Variants in AKAP8 observed in about 807,000 individuals in gnomAD.
AKAP8 encodes A-kinase anchoring protein 8, also known as A-kinase anchor protein 8.
A neutral mutation model predicts 67.5 loss-of-function variants in AKAP8; 24 were observed. The ratio of observed to expected loss-of-function variants is 0.36; its 90% CI spans 0.26 to 0.50. AKAP8 has a LOEUF of 0.50. AKAP8 is among the 20% of genes least tolerant of loss of function. The pLI is 0.97. For missense variants in AKAP8, 971 were observed against 955.9 expected, an observed-to-expected ratio of 1.02 and a Z score of -0.21; for synonymous variants, 400 against 371.1, an observed-to-expected ratio of 1.08 and a Z score of -0.90.
rs540389884 is a variant in AKAP8 at position 15,367,234 on chromosome 19, A to G, written c.1160+1001T>C. Reference sequence around the variant, plus strand: ...TTTACTAAGCATTTCTTTGAACACGACAATCACTGCCCAGACTGGGCGCAG... The same window carrying G: ...TTTACTAAGCATTTCTTTGAACACGGCAATCACTGCCCAGACTGGGCGCAG... On this transcript the variant is annotated intron_variant, in intron 9 of 13. Transcript: ENST00000269701. Among the ~76,000 whole-genome samples the G allele has an allele frequency of 2.0e-5, 3 of 152,288 alleles. No homozygotes were observed. In the East Asian group the frequency reaches 5.8e-4, roughly 29 times the overall value.
At chr19:15,357,615 A>G (rs1184172345) in intron 13 of AKAP8, among the ~76,000 whole-genome samples, 1 of 150,832 alleles carries the variant, frequency 6.6e-6, no homozygotes, top group Non-Finnish European at 1.5e-5. Context: ...AAAAAAAAAG[A>G]CGCTTAGAAG....
chr19:15,358,277 C>G (rs1256634994), intron 13 of AKAP8, among the ~76,000 whole-genome samples: 1 of 152,174 alleles, frequency 6.6e-6, no homozygotes, highest in East Asian at 1.9e-4. Flanking sequence ...TACCCCTCAC[C>G]TTCAACCTCA....
chr19:15,370,268 G>C lies in AKAP8; in HGVS notation c.1039-89C>G, dbSNP rs1967132681. On this transcript the variant is annotated intron_variant, in intron 7 of 13. Transcript: ENST00000269701. ...CCAGTCCCTGGCCACTGCCTGGTGG[G>C]CAGTCTCACCCAAGACCTAGGTTGC... 12 of 1,488,094 alleles carry C rather than the reference G, an allele frequency of 8.1e-6. No homozygotes were observed. The South Asian group carries it at 1.3e-4, about 16-fold the overall frequency. 92.2% of individuals were successfully genotyped at this position (1,488,094 alleles called of 1,614,324 possible). A position where few individuals can be genotyped will look rare whatever the true frequency, so the allele number is the denominator to read the frequency against.
At position 15,358,340 on chromosome 19, in the gene AKAP8, T is replaced by C. The variant is rs150745108; in HGVS notation, c.1623+627A>G. On this transcript the variant is annotated intron_variant, in intron 13 of 13. Coordinates refer to ENST00000269701, the MANE Select transcript of AKAP8 (RefSeq NM_005858.4). ...TCTTTTTAGCTTCTCTCCTGGAAAATTCTCATGTACCTTGGATTCTTTTTT... is the reference window on the plus strand; with the variant it reads ...TCTTTTTAGCTTCTCTCCTGGAAAACTCTCATGTACCTTGGATTCTTTTTT... Among the ~76,000 whole-genome samples, 763 of 152,122 alleles carry C rather than the reference T, an allele frequency of 5.0e-3. 7 individuals are homozygous for C. Among genetic ancestry groups the C allele is most frequent in the African/African-American group, 0.017 (716 of 41,500 alleles).
rs748168148 is a variant in AKAP8 at position 15,355,336 on chromosome 19, G to C, written c.1658C>G (p.Pro553Arg). The change falls in exon 14 of 14, where the codon CCA (proline) becomes CGA (arginine). Residue 553 changes from proline (P) to arginine (R), a missense_variant. Physicochemically the swap from Pro to Arg is moderately radical, Grantham distance 103. Around this residue, in one of 3 missense-constraint regions of AKAP8, gnomAD observed 204 missense variants for 193.0 expected, o/e 1.06. Coordinates refer to ENST00000269701, the MANE Select transcript of AKAP8 (RefSeq NM_005858.4). ...TAAATTGTCATCTCCTTCCATTTCTGGATCAACAGTTTCACTGGTGAAAGG... is the reference window on the plus strand; with the variant it reads ...TAAATTGTCATCTCCTTCCATTTCTCGATCAACAGTTTCACTGGTGAAAGG... ...EDPFTSETVD[P>R]EMEGDDNLGG... 1 of 1,613,516 alleles carries C rather than the reference G, an allele frequency of 6.2e-7. No individual in the cohort carries two copies. The highest frequency in any genetic ancestry group is 1.3e-5 in the African/African-American group (1 of 74,900).
At chr19:15,379,514 A>C in intron 1 of AKAP8, 199 bp downstream of exon 1, 1 of 522,432 alleles carries the variant, frequency 1.9e-6, no homozygotes, top group Non-Finnish European at 3.2e-6. Context: ...CCTGGCGGCC[A>C]ATCCGCACGC....
Position 15,372,335 on chromosome 19 carries a change from C to T in AKAP8, c.874G>A (p.Gly292Arg). 6.2e-7 allele frequency: 1 copy of T among 1,614,162 alleles called. No homozygotes were observed. Among genetic ancestry groups the T allele is most frequent in the South Asian group, 1.1e-5 (1 of 91,084 alleles). The change falls in exon 6 of 14, where the codon GGG becomes AGG. Residue 292 changes from glycine (G) to arginine (R), a missense_variant. By Grantham distance (125) the Gly-to-Arg change is moderately radical. Around this residue, in one of 3 missense-constraint regions of AKAP8, gnomAD observed 763 missense variants for 745.4 expected, o/e 1.02. Transcript: ENST00000269701. ...MRDRDRPKRR[G>R]FDRFGPDGTG... is the part of the protein sequence containing the mutation. ...CCATCTGGTCCGAAGCGGTCAAACC[C>T]TCTCCTCTTGGGCTACAGACAACAA...
At chr19:15,361,279 TTGC>T (rs1292803484) in intron 11 of AKAP8, among the ~76,000 whole-genome samples, 2 of 152,014 alleles carry the variant, frequency 1.3e-5, no homozygotes, top group Non-Finnish European at 2.9e-5. Flanking sequence ...TTTCTTTCCA[TTGC>T]TGCTGAGCGC....
At chr19:15,356,406 C>T (rs1170378343) in intron 13 of AKAP8, among the ~76,000 whole-genome samples, 2 of 119,806 alleles carry the variant, frequency 1.7e-5, no homozygotes, top group Non-Finnish European at 3.4e-5. Flanking sequence ...GAGTCAGACT[C>T]CATCTCAAAA....
At chr19:15,361,615 G>C (rs1458785856) in intron 11 of AKAP8, 114 bp downstream of exon 11, 5 of 862,144 alleles carry the variant, frequency 5.8e-6, no homozygotes, top group South Asian at 4.3e-5. Flanking sequence ...GCCTCCCAAA[G>C]TGCTGGGATT....
intron 1 of AKAP8, among the ~76,000 whole-genome samples, chr19:15,378,303 A>T: frequency 6.6e-6 from 1 of 152,188 alleles, no homozygotes; most frequent in Admixed American, 6.5e-5. Flanking sequence ...ACCAACCTCG[A>T]GAGACTGCTT....
chr19:15,369,272 G>A lies in AKAP8; in HGVS notation c.1072+874C>T. ...CTTTGCTTTAGCATTGTGCCGCTAAGCGCTCGGGGCGCCCCGTGCTATGGA... is the reference window on the plus strand; with the variant it reads ...CTTTGCTTTAGCATTGTGCCGCTAAACGCTCGGGGCGCCCCGTGCTATGGA... On this transcript the variant is annotated intron_variant, in intron 8 of 13. Coordinates refer to ENST00000269701, the MANE Select transcript of AKAP8 (RefSeq NM_005858.4). This position sits in a 1 kb window ranked among gnomAD's most constrained non-coding sequence, Gnocchi z 4.6. 1 of 985,486 alleles carries A rather than the reference G, an allele frequency of 1.0e-6. No homozygotes were observed. The highest frequency in any genetic ancestry group is 1.2e-6 in the Non-Finnish European group (1 of 829,938). 61.0% of individuals were successfully genotyped at this position (985,486 alleles called of 1,614,324 possible). A position where few individuals can be genotyped will look rare whatever the true frequency, so the allele number is the denominator to read the frequency against.
intron 12 of AKAP8, 91 bp from the exon 13 acceptor site, chr19:15,359,153 C>G (rs1349548600): frequency 8.8e-7 from 1 of 1,137,322 alleles, no homozygotes; most frequent in Admixed American, 2.0e-5. Context: ...ATCCTGAGAT[C>G]AGCCCTATGC....
chr19:15,379,562 GGC>G (rs922508845), intron 1 of AKAP8, 149 bp downstream of exon 1: 280 of 811,976 alleles, frequency 3.4e-4, no homozygotes, highest in Non-Finnish European at 4.4e-4. Flanking sequence ...CCCAATGAGC[GGC>G]GCGCGCGCGC....
chr19:15,369,900 C>A lies in AKAP8; in HGVS notation c.1072+246G>T, dbSNP rs929845509. On this transcript the variant is annotated intron_variant, in intron 8 of 13. Coordinates refer to ENST00000269701, the MANE Select transcript of AKAP8 (RefSeq NM_005858.4). This position sits in a 1 kb window ranked among gnomAD's most constrained non-coding sequence, Gnocchi z 4.6. ...GTGGTGGACACCCAAGGCTGCCCCC[C>A]ATCCCCACTGCAGCCCACATCGGGT... Among the ~76,000 whole-genome samples, 7 of 152,242 alleles carry A rather than the reference C, an allele frequency of 4.6e-5. No homozygotes were observed. The highest frequency in any genetic ancestry group is 7.2e-5 in the African/African-American group (3 of 41,462).
intron 13 of AKAP8, among the ~76,000 whole-genome samples, chr19:15,358,192 C>T (rs1209365129): frequency 2.0e-5 from 3 of 152,152 alleles, no homozygotes; most frequent in Non-Finnish European, 4.4e-5. Context: ...GCTCTTCCAA[C>T]CAGCCTTCTC....
At chr19:15,356,487 G>A (rs2048279488) in intron 13 of AKAP8, among the ~76,000 whole-genome samples, 1 of 152,084 alleles carries the variant, frequency 6.6e-6, no homozygotes, top group Non-Finnish European at 1.5e-5. Context: ...GTTTCATTAA[G>A]GTACAGTGGC....
intron 9 of AKAP8, among the ~76,000 whole-genome samples, chr19:15,366,921 T>G (rs1005135782): frequency 1.3e-5 from 2 of 150,816 alleles, no homozygotes; most frequent in African/African-American, 4.9e-5. Flanking sequence ...TTTCTTTTTC[T>G]TTTTGAGACA....
chr19:15,364,343 A>T (rs1443194739), intron 9 of AKAP8, among the ~76,000 whole-genome samples: 1 of 146,702 alleles, frequency 6.8e-6, no homozygotes, highest in Non-Finnish European at 1.5e-5. Context: ...TTGTATTTTT[A>T]TTTTATTTTA....
Sources: gnomAD v4.1 joint callset for allele counts (sites outside exome capture counted in the v4.1 genomes callset) on GRCh38, gnomAD v4.1.1 for gene constraint, gnomAD v4.1.1 regional missense constraint, Gnocchi (gnomAD v3.1) non-coding constraint, MANE v1.5 for transcripts, NCBI Gene and HGNC (gene_info 2026-07-23, HGNC 2026-07-21) for gene names.